ADGRB3: variants seen among roughly 807,000 people sequenced by gnomAD.
ADGRB3 encodes adhesion G protein-coupled receptor B3.
ADGRB3 carries 37 observed loss-of-function variants against 193.4 expected under a neutral mutation model. The observed-to-expected ratio is 0.19, with a 90% CI of 0.15 to 0.25. The LOEUF is 0.25. Ranked by LOEUF, ADGRB3 falls within the 10% of genes least tolerant of loss-of-function variation. ADGRB3 has a pLI of 1.00. For synonymous variants in ADGRB3, 690 were observed against 644.2 expected, an observed-to-expected ratio of 1.07 and a Z score of -1.08; for missense variants, 1,637 against 1,852.9, an observed-to-expected ratio of 0.88 and a Z score of 2.14.
intron 18 of ADGRB3, among the ~76,000 whole-genome samples, chr6:69,234,225 A>T (rs1766213970): frequency 6.6e-6 from 1 of 152,198 alleles, no homozygotes; most frequent in African/African-American, 2.4e-5. Context: ...TCAAACTCTC[A>T]ATGTTAACAA....
intron 20 of ADGRB3, among the ~76,000 whole-genome samples, chr6:69,308,604 TGTTA>T (rs1358397519): frequency 6.6e-6 from 1 of 151,700 alleles, no homozygotes; most frequent in Non-Finnish European, 1.5e-5. Flanking sequence ...TAATTTTGAC[TGTTA>T]GTTGTAGGAA....
chr6:68,950,645 G>A (rs1159123294), intron 6 of ADGRB3, among the ~76,000 whole-genome samples: 2 of 152,014 alleles, frequency 1.3e-5, no homozygotes, highest in African/African-American at 2.4e-5. Flanking sequence ...ATTTGATTAA[G>A]CCAAAATCCT....
chr6:69,212,428 ACC>A (rs1469590619), intron 17 of ADGRB3, among the ~76,000 whole-genome samples: 1 of 152,198 alleles, frequency 6.6e-6, no homozygotes, highest in Non-Finnish European at 1.5e-5. Context: ...TTTAAAGATG[ACC>A]CAATAAAAGA....
chr6:68,989,301 T>A lies in ADGRB3; in HGVS notation c.1735-4467T>A, dbSNP rs141705462. On this transcript the variant is annotated intron_variant, in intron 10 of 31. Coordinates refer to ENST00000370598, the MANE Select transcript of ADGRB3 (RefSeq NM_001704.3). ...AAATCATTAAGATGTGAAAGAACAGTTAAATAATTAAAGAATATGAAAAAC... is the reference window on the plus strand; with the variant it reads ...AAATCATTAAGATGTGAAAGAACAGATAAATAATTAAAGAATATGAAAAAC... Among the ~76,000 whole-genome samples the A allele has an allele frequency of 3.1e-3, 466 of 152,090 alleles. 1 individual carries two copies. The highest frequency in any genetic ancestry group is 0.01 in the African/African-American group (433 of 41,520).
Position 69,022,181 on chromosome 6 carries a change from T to C in ADGRB3, c.2107+3682T>C, listed in dbSNP as rs551886847. Among the ~76,000 whole-genome samples, 10 of 151,902 alleles carry C rather than the reference T, an allele frequency of 6.6e-5. No individual in the cohort carries two copies. In the East Asian group the frequency reaches 1.7e-3, roughly 26 times the overall value. On this transcript the variant is annotated intron_variant, in intron 13 of 31. Transcript: ENST00000370598. The stretch of plus-strand genomic sequence containing the variant: ...ATTACTATATAAATGTATGAATGAA[T>C]GTGTATGAAAGATTTCAATTTTCAA...
chr6:69,040,361 C>CTT (rs761303233), intron 13 of ADGRB3, among the ~76,000 whole-genome samples: 1 of 73,962 alleles, frequency 1.4e-5, no homozygotes, highest in Non-Finnish European at 2.7e-5. Flanking sequence ...TTCTTTCTTT[C>CTT]TTTCTTTCTT....
intron 17 of ADGRB3, among the ~76,000 whole-genome samples, chr6:69,120,792 C>A (rs569568664): frequency 1.3e-5 from 2 of 151,960 alleles, no homozygotes; most frequent in Admixed American, 1.3e-4. Context: ...AAGTTTTCCT[C>A]GAGCTTTAAA....
At chr6:68,646,509 G>T (rs1367189433) in intron 3 of ADGRB3, among the ~76,000 whole-genome samples, 1 of 148,964 alleles carries the variant, frequency 6.7e-6, no homozygotes, top group Non-Finnish European at 1.5e-5. Flanking sequence ...AAGAAAAAAA[G>T]ATGGACTTCC....
At chr6:69,350,297 T>TA (rs1769194425) in intron 26 of ADGRB3, among the ~76,000 whole-genome samples, 1 of 14,448 alleles carries the variant, frequency 6.9e-5, no homozygotes, top group Non-Finnish European at 1.2e-4. Flanking sequence ...TTCTCGCCAT[T>TA]CTTTTTTTTT....
At chr6:69,006,122 CAAACTCAAGA>C (rs150237679) in intron 11 of ADGRB3, among the ~76,000 whole-genome samples, 2,430 of 151,972 alleles carry the variant, frequency 0.016, 56 homozygotes, top group African/African-American at 0.051. Context: ...TTTTTAAGAG[CAAACTCAAGA>C]TGATTTCCAT....
rs200920963 is a variant in ADGRB3 at position 69,074,164 on chromosome 6, AG to A, written c.2437-1830del. ...ATTTTCTGATTGCTTAAAAAAAAAA[AG>A]TAAGATACCTTGGATATGTGGCCTT... On this transcript the variant is annotated intron_variant, in intron 16 of 31. Transcript: ENST00000370598. Among the ~76,000 whole-genome samples, 12 of 148,570 alleles carry A rather than the reference AG, an allele frequency of 8.1e-5. No individual in the cohort carries two copies. The South Asian group carries it at 2.4e-3, about 30-fold the overall frequency.
At chr6:69,117,165 A>C (rs1388047401) in intron 17 of ADGRB3, among the ~76,000 whole-genome samples, 1 of 152,214 alleles carries the variant, frequency 6.6e-6, no homozygotes, top group Non-Finnish European at 1.5e-5. Flanking sequence ...ATAGATGTTA[A>C]TGTGGATCTG....
chr6:68,851,974 T>TATATGAGAAAGACACAAAAAAAGTTTTAA (rs1181615692), intron 3 of ADGRB3, among the ~76,000 whole-genome samples: 3 of 151,898 alleles, frequency 2.0e-5, no homozygotes, highest in Non-Finnish European at 4.4e-5. Flanking sequence ...CAAGTTTTAT[T>TATATGAGAAAGACACAAAAAAAGTTTTAA]ATATGAGAAA....
intron 17 of ADGRB3, among the ~76,000 whole-genome samples, chr6:69,231,182 T>C (rs1766126860): frequency 6.6e-6 from 1 of 152,232 alleles, no homozygotes; most frequent in African/African-American, 2.4e-5. Context: ...TACATGATCT[T>C]CAGAATCTAG....
In ADGRB3 at chr6:68,871,877, A is replaced by G. The variant is rs115961250; in HGVS notation, c.758-58682A>G. 1.6e-3 allele frequency among the ~76,000 whole-genome samples: 250 copies of G among 152,264 alleles called. 3 individuals are homozygous for G. The highest frequency in any genetic ancestry group is 5.8e-3 in the African/African-American group (241 of 41,574). On this transcript the variant is annotated intron_variant, in intron 3 of 31. Transcript: ENST00000370598. ...AAAATCTACCTAAAGGCGAGAAAGA[A>G]CATTTTTGTGGAATGAATAATATTT...
In ADGRB3 at chr6:69,349,954, T is replaced by C. The variant is rs1193548721; in HGVS notation, c.3460-4279T>C. Among the ~76,000 whole-genome samples, 3 of 152,198 alleles carry C rather than the reference T, an allele frequency of 2.0e-5. No individual in the cohort carries two copies. In the East Asian group the frequency reaches 5.8e-4, roughly 29 times the overall value. On this transcript the variant is annotated intron_variant, in intron 26 of 31. Coordinates refer to ENST00000370598, the MANE Select transcript of ADGRB3 (RefSeq NM_001704.3). ...CCAAACATCGCTCGGTGCTCTTCCC[T>C]AGCAGTCTCTAACTCTGGCACCAGC...
intron 20 of ADGRB3, among the ~76,000 whole-genome samples, chr6:69,244,347 A>AT (rs1330203625): frequency 6.6e-6 from 1 of 152,000 alleles, no homozygotes; most frequent in South Asian, 2.1e-4. Flanking sequence ...CTAATGGAAG[A>AT]TTTTTTTGTT....
At chr6:69,075,132 C>T (rs1772191516) in intron 16 of ADGRB3, among the ~76,000 whole-genome samples, 1 of 152,154 alleles carries the variant, frequency 6.6e-6, no homozygotes, top group Non-Finnish European at 1.5e-5. Flanking sequence ...AGTGGTACTG[C>T]TTTGCTGTGC....
chr6:68,897,064 A>G (rs1018749307), intron 3 of ADGRB3, among the ~76,000 whole-genome samples: 1 of 152,164 alleles, frequency 6.6e-6, no homozygotes, highest in Non-Finnish European at 1.5e-5. Flanking sequence ...GGGATAAACC[A>G]AACAACTGAT....
Sources: gnomAD v4.1 joint callset for allele counts (sites outside exome capture counted in the v4.1 genomes callset) on GRCh38, gnomAD v4.1.1 for gene constraint, MANE v1.5 for transcripts, NCBI Gene and HGNC (gene_info 2026-07-23, HGNC 2026-07-21) for gene names.